The following CAST variants were observed in gnomAD, a reference collection of about 807,000 sequenced individuals.
CAST encodes MIR583 host.
CAST carries 76 observed loss-of-function variants against 119.6 expected under a neutral mutation model. The ratio of observed to expected loss-of-function variants is 0.64; its 90% CI spans 0.53 to 0.77. The LOEUF (loss-of-function observed/expected upper bound fraction) is 0.77, where lower values mean the gene tolerates loss of function less well. CAST is among the 30% of genes least tolerant of loss of function. The probability of loss-of-function intolerance (pLI) is 0.00; values close to 1 mark genes in which losing one functional copy is unlikely to be tolerated. For missense variants in CAST, 953 were observed against 946.5 expected (o/e 1.01, Z -0.09); for synonymous variants, 319 against 331.6 (o/e 0.96, Z 0.41).
At chr5:96,754,243 G>A in intron 21 of CAST, 82 bp downstream of exon 21, 1 of 878,976 alleles carries the variant, frequency 1.1e-6, no homozygotes, top group Non-Finnish European at 1.9e-6. Flanking sequence ...CATTTGTTTT[G>A]TTTTTTATAT....
At chr5:96,621,877 A>G (rs1179118979) in intron 1 of CAST, among the ~76,000 whole-genome samples, 1 of 152,054 alleles carries the variant, frequency 6.6e-6, no homozygotes, top group Non-Finnish European at 1.5e-5. Flanking sequence ...ATGGTAGGTC[A>G]TTTAAGACCA....
chr5:95,997,962 G>GTTTTTTT, the CAST span, among the ~76,000 whole-genome samples: 64 of 111,670 alleles, frequency 5.7e-4, no homozygotes, highest in East Asian at 2.1e-3. Flanking sequence ...TTTGAGAGAG[G>GTTTTTTT]GTTTTTTTTT....
At chr5:96,425,286 G>T in the CAST span, among the ~76,000 whole-genome samples, 1 of 152,172 alleles carries the variant, frequency 6.6e-6, no homozygotes, top group African/African-American at 2.4e-5. Flanking sequence ...CAATTTCTTC[G>T]CTCAAGGATT....
chr5:96,204,535 G>A, the CAST span, among the ~76,000 whole-genome samples: 1 of 152,042 alleles, frequency 6.6e-6, no homozygotes, highest in Non-Finnish European at 1.5e-5. Context: ...AGAACTTCAT[G>A]GAGCATGGGG....
chr5:96,734,623 G>A (rs79320491), intron 9 of CAST, among the ~76,000 whole-genome samples: 2,892 of 152,218 alleles, frequency 0.019, 70 homozygotes, highest in African/African-American at 0.064. Flanking sequence ...GTAGCCACAC[G>A]GTAAGGGAAA....
the CAST span, among the ~76,000 whole-genome samples, chr5:96,104,794 G>T: frequency 9.0e-6 from 1 of 110,938 alleles, no homozygotes; most frequent in African/African-American, 3.6e-5. Flanking sequence ...AGCTTGATGG[G>T]GATGGCATTG....
chr5:96,504,087 C>T, the CAST span, among the ~76,000 whole-genome samples: 54 of 152,110 alleles, frequency 3.6e-4, no homozygotes, highest in African/African-American at 1.2e-3. Flanking sequence ...CTCTGAGGGC[C>T]GATTGATATT....
chr5:96,504,704 A>G, the CAST span, among the ~76,000 whole-genome samples: 2 of 152,314 alleles, frequency 1.3e-5, no homozygotes, highest in South Asian at 4.1e-4. Flanking sequence ...ACAGTTGTGC[A>G]ACTGTCACCA....
At chr5:95,989,224 A>G in the CAST span, among the ~76,000 whole-genome samples, 1 of 152,170 alleles carries the variant, frequency 6.6e-6, no homozygotes, top group Non-Finnish European at 1.5e-5. Context: ...TCTTAAATTC[A>G]CTTTATATTT....
At chr5:96,619,359 G>A (rs1382629251) in intron 1 of CAST, among the ~76,000 whole-genome samples, 3 of 152,160 alleles carry the variant, frequency 2.0e-5, no homozygotes, top group African/African-American at 7.2e-5. Flanking sequence ...TCAGCACCCT[G>A]TCAAAATGGA....
chr5:96,718,312 TGC>T (rs371751732), intron 3 of CAST, among the ~76,000 whole-genome samples: 50 of 152,182 alleles, frequency 3.3e-4, no homozygotes, highest in African/African-American at 1.2e-3. Flanking sequence ...AAATAAGAGA[TGC>T]TTAAAGTCAT....
chr5:96,429,127 T>C, the CAST span: 1 of 758,278 alleles, frequency 1.3e-6, no homozygotes, highest in East Asian at 2.5e-5. Context: ...AAACCACATT[T>C]GCAAAATGCT....
intron 1 of CAST, among the ~76,000 whole-genome samples, chr5:96,543,174 A>G (rs1172240311): frequency 6.6e-6 from 1 of 152,226 alleles, no homozygotes; most frequent in African/African-American, 2.4e-5. Context: ...AAAATGTGGC[A>G]CATATACACC....
chr5:96,169,581 G>A, the CAST span, among the ~76,000 whole-genome samples: 1 of 152,200 alleles, frequency 6.6e-6, no homozygotes, highest in Non-Finnish European at 1.5e-5. Flanking sequence ...TGCTGTAGCA[G>A]GCGAGTGATA....
chr5:96,366,358 A>G, the CAST span, among the ~76,000 whole-genome samples: 3 of 152,112 alleles, frequency 2.0e-5, no homozygotes, highest in African/African-American at 7.2e-5. Flanking sequence ...GTATTTCCTG[A>G]ATTTGAATGT....
the CAST span, among the ~76,000 whole-genome samples, chr5:96,264,022 G>T: frequency 6.6e-6 from 1 of 152,192 alleles, no homozygotes; most frequent in African/African-American, 2.4e-5. Context: ...AATGAGATTT[G>T]GGTGGGAACA....
chr5:96,467,021 T>C, the CAST span, among the ~76,000 whole-genome samples: 4 of 152,184 alleles, frequency 2.6e-5, no homozygotes, highest in Admixed American at 1.3e-4. Context: ...TTTTAACAAG[T>C]GTTGATCAGA....
the CAST span, among the ~76,000 whole-genome samples, chr5:96,231,591 T>A: frequency 1.3e-5 from 2 of 152,088 alleles, no homozygotes; most frequent in Non-Finnish European, 2.9e-5. Flanking sequence ...CTGTAAATAT[T>A]CTAAATACCA....
the CAST span, chr5:95,961,749 C>T: frequency 7.6e-6 from 12 of 1,576,376 alleles, 1 homozygote; most frequent in Non-Finnish European, 8.6e-6. Flanking sequence ...GCCGCCGCCG[C>T]CGCCGCTCCG....
Sources: gnomAD v4.1 joint callset for allele counts (sites outside exome capture counted in the v4.1 genomes callset) on GRCh38, gnomAD v4.1.1 for gene constraint, MANE v1.5 for transcripts, NCBI Gene and HGNC (gene_info 2026-07-23, HGNC 2026-07-21) for gene names.